Variants in USH2A observed in about 807,000 individuals in gnomAD.
USH2A encodes usherin.
Under a neutral mutation model 538.9 loss-of-function variants are expected in USH2A, and 443 were observed. The observed-to-expected ratio is 0.82, with a 90% CI of 0.76 to 0.89. The LOEUF is 0.89. Among genes scored for constraint, USH2A ranks in the 40% least tolerant of loss-of-function variants. The probability of loss-of-function intolerance (pLI) is 0.00; values close to 1 mark genes in which losing one functional copy is unlikely to be tolerated. For missense variants in USH2A, 6,633 were observed against 6,324.8 expected (o/e 1.05, Z -1.65); for synonymous variants, 2,413 against 2,273.5 (o/e 1.06, Z -1.75).
chr1:216,275,766 G>A (rs756913426), intron 11 of USH2A, among the ~76,000 whole-genome samples: 1 of 152,100 alleles, frequency 6.6e-6, no homozygotes, highest in Non-Finnish European at 1.5e-5. Flanking sequence ...CTCCATTTGA[G>A]GAATGTGTCG....
chr1:215,753,835 AT>A (rs950028670), intron 58 of USH2A, among the ~76,000 whole-genome samples: 3 of 152,178 alleles, frequency 2.0e-5, no homozygotes, highest in African/African-American at 7.2e-5. Context: ...TTAAAAAAAA[AT>A]ATTCTCCCAG....
chr1:215,850,406 T>C (rs538799863), intron 44 of USH2A, among the ~76,000 whole-genome samples: 28 of 152,278 alleles, frequency 1.8e-4, no homozygotes, highest in Non-Finnish European at 4.0e-4. Context: ...TGTCAAATCA[T>C]TGAACTACAT....
rs1011265042 is a variant in USH2A, at chr1:215,950,522, T to C, written c.7120+14795A>G. Reference sequence around the variant, plus strand: ...TTGCTACCTTTTTTTTTTTTTTTTTTCTGAGACAGAGTCTCGCTCTGTCAC... The same window carrying C: ...TTGCTACCTTTTTTTTTTTTTTTTTCCTGAGACAGAGTCTCGCTCTGTCAC... On this transcript the variant is annotated intron_variant, in intron 37 of 71. Transcript: ENST00000307340. 3.0e-5 allele frequency among the ~76,000 whole-genome samples: 4 copies of C among 132,172 alleles called. No individual in the cohort carries two copies. In the South Asian group the frequency reaches 7.4e-4, roughly 25 times the overall value. The allele number at this position is 132,172 out of a possible 152,430, so 86.7% of individuals were successfully genotyped here.
chr1:216,418,521 C>T lies in USH2A; in HGVS notation c.644G>A (p.Ser215Asn), dbSNP rs1458851498. The change falls in exon 3 of 72, where the codon AGT becomes AAT. Residue 215 changes from serine (S) to asparagine (N), a missense_variant. Transcript: ENST00000307340. ...RILVKKWIHL[S>N]VQVHQTKISF... ...ATTTTTTATTTTACTCACCTGCACA[C>T]TAAGATGAATCCATTTCTTCACAAG... is the stretch of plus-strand genomic sequence containing the variant. 1.2e-6 allele frequency: 2 copies of T among 1,613,008 alleles called. No individual in the cohort carries two copies. Among genetic ancestry groups the T allele is most frequent in the Non-Finnish European group, 1.7e-6 (2 of 1,179,432 alleles).
chr1:215,674,657 G>A lies in USH2A; in HGVS notation c.13254C>T (p.Asn4418=). ...CATTCGTGCAGGCTACAAGGGAGAA[G>A]TTATACTGAGAGTAAGGCTGCAGGT... The part of the protein sequence containing the change: ...VSHLQPYSQY[N]FSLVACTNGG... The change falls in exon 63 of 72, where the codon AAC becomes AAT. Residue 4418 remains asparagine (N), a synonymous_variant. Transcript: ENST00000307340. 1 of 1,614,160 alleles carries A rather than the reference G, an allele frequency of 6.2e-7. No individual in the cohort carries two copies. The highest frequency in any genetic ancestry group is 8.5e-7 in the Non-Finnish European group (1 of 1,180,028).
intron 3 of USH2A, among the ~76,000 whole-genome samples, chr1:216,397,269 C>A (rs553660473): frequency 3.2e-4 from 48 of 152,144 alleles, no homozygotes; most frequent in Non-Finnish European, 6.2e-4. Context: ...TTCTTATAGG[C>A]ACTTTACAAC....
intron 16 of USH2A, among the ~76,000 whole-genome samples, chr1:216,203,453 TA>T (rs1382774688): frequency 6.6e-6 from 1 of 152,086 alleles, no homozygotes; most frequent in Non-Finnish European, 1.5e-5. Flanking sequence ...CATCTTATTG[TA>T]CTGTAGACTC....
rs1665140423 is a variant in USH2A at position 215,888,952 on chromosome 1, T to C, written c.7697A>G (p.Tyr2566Cys). Residue 2566 changes from tyrosine (Y) to cysteine (C), a missense_variant, in exon 41 of 72, where the codon TAT becomes TGT. By Grantham distance (194) the Tyr-to-Cys change is radical. Transcript: ENST00000307340. The stretch of plus-strand genomic sequence containing the variant: ...TAGACGGCCATGTAGATAAATGTTA[T>C]AATGGGTAATAACCCCATTGGATTT... Reference protein sequence around the residue: ...PRKSNGVITHYNIYLHGRLYL... With the variant: ...PRKSNGVITHCNIYLHGRLYL... 6 of 1,614,178 alleles carry C rather than the reference T, an allele frequency of 3.7e-6. No individual in the cohort carries two copies. The highest frequency in any genetic ancestry group is 5.1e-6 in the Non-Finnish European group (6 of 1,180,008).
intron 3 of USH2A, among the ~76,000 whole-genome samples, chr1:216,414,475 T>C (rs966195845): frequency 8.5e-5 from 13 of 152,100 alleles, no homozygotes; most frequent in Non-Finnish European, 1.8e-4. Context: ...CTGGATTTCC[T>C]GACATCTTTT....
intron 11 of USH2A, among the ~76,000 whole-genome samples, chr1:216,251,639 C>T (rs1273810951): frequency 6.6e-6 from 1 of 151,646 alleles, no homozygotes. Flanking sequence ...TTAGCAGAGG[C>T]GAGGTTTCAC....
Position 215,675,572 on chromosome 1 carries a change from C to A in USH2A, c.12339G>T (p.Leu4113Phe). ...GGCGGCGGAAGAGAAACTGACGATT[C>A]AAACCAGAGTACTCCAGGAACCCGT... ...FSDGFLEYSG[L>F]NRQFLFRRLD... The change falls in exon 63 of 72, where the codon TTG becomes TTT. Residue 4113 changes from leucine (L) to phenylalanine (F), a missense_variant. Coordinates refer to ENST00000307340, the MANE Select transcript of USH2A (RefSeq NM_206933.4). The A allele has an allele frequency of 1.2e-6, 2 of 1,614,060 alleles. No individual in the cohort carries two copies. Among genetic ancestry groups the A allele is most frequent in the South Asian group, 2.2e-5 (2 of 91,062 alleles).
intron 3 of USH2A, among the ~76,000 whole-genome samples, chr1:216,378,112 G>T (rs1033557047): frequency 6.6e-6 from 1 of 151,996 alleles, no homozygotes; most frequent in Non-Finnish European, 1.5e-5. Flanking sequence ...TTTGCATGCC[G>T]ATTTGACTCT....
chr1:216,266,280 G>A (rs568772802), intron 11 of USH2A, among the ~76,000 whole-genome samples: 4 of 152,026 alleles, frequency 2.6e-5, no homozygotes, highest in Non-Finnish European at 5.9e-5. Flanking sequence ...ATCTCATGAA[G>A]CATTCAAATT....
At chr1:215,746,926 C>T (rs1660489148) in intron 58 of USH2A, among the ~76,000 whole-genome samples, 1 of 152,062 alleles carries the variant, frequency 6.6e-6, no homozygotes, top group African/African-American at 2.4e-5. Context: ...AGCAGAATCC[C>T]CGTTTCTTTG....
chr1:215,847,778 G>C (rs1038577273), intron 44 of USH2A, among the ~76,000 whole-genome samples: 1 of 152,130 alleles, frequency 6.6e-6, no homozygotes, highest in Non-Finnish European at 1.5e-5. Context: ...GCCATATAAA[G>C]TAATATAGCT....
intron 70 of USH2A, among the ~76,000 whole-genome samples, chr1:215,630,559 A>G (rs979437896): frequency 1.4e-5 from 2 of 143,174 alleles, no homozygotes; most frequent in Non-Finnish European, 3.0e-5. Context: ...TGCAACTAAA[A>G]CTTCATAGTG....
intron 9 of USH2A, among the ~76,000 whole-genome samples, chr1:216,316,485 C>T (rs908335497): frequency 7.9e-5 from 12 of 152,040 alleles, no homozygotes; most frequent in African/African-American, 2.9e-4. Context: ...GTGATGTCGC[C>T]CATGTATAAG....
At chr1:216,197,896 G>A (rs765484049) in intron 18 of USH2A, among the ~76,000 whole-genome samples, 1 of 151,936 alleles carries the variant, frequency 6.6e-6, no homozygotes, top group Non-Finnish European at 1.5e-5. Context: ...ATTTATTTTG[G>A]AAAGATAAAT....
At chr1:215,674,003 C>G in intron 63 of USH2A, 97 bp downstream of exon 63, 5 of 1,608,658 alleles carry the variant, frequency 3.1e-6, no homozygotes, top group Non-Finnish European at 4.2e-6. Flanking sequence ...CACCTTGCAT[C>G]CCATTTTTAG....
Sources: gnomAD v4.1 joint callset for allele counts (sites outside exome capture counted in the v4.1 genomes callset) on GRCh38, gnomAD v4.1.1 for gene constraint, MANE v1.5 for transcripts, NCBI Gene and HGNC (gene_info 2026-07-23, HGNC 2026-07-21) for gene names.